Variants in ST6GALNAC3 observed in about 807,000 individuals in gnomAD.
ST6GALNAC3 encodes the protein ST6 N-acetylgalactosaminide alpha-2,6-sialyltransferase 3, also known as alpha-N-acetylgalactosaminide alpha-2,6-sialyltransferase 3.
In ST6GALNAC3, 25 loss-of-function variants were observed where a neutral mutation model predicts 32.7. The observed-to-expected ratio is 0.76, with a 90% CI of 0.56 to 1.07. The LOEUF (loss-of-function observed/expected upper bound fraction) is 1.07, where lower values mean the gene tolerates loss of function less well. Among genes scored for constraint, ST6GALNAC3 ranks in the 50% least tolerant of loss-of-function variants. The probability of loss-of-function intolerance (pLI) is 0.00; values close to 1 mark genes in which losing one functional copy is unlikely to be tolerated. For synonymous variants in ST6GALNAC3, 129 were observed against 133.1 expected (o/e 0.97, Z 0.21); for missense variants, 355 against 382.4 (o/e 0.93, Z 0.60).
At chr1:76,284,106 A>G (rs776186302) in intron 1 of ST6GALNAC3, among the ~76,000 whole-genome samples, 2 of 152,218 alleles carry the variant, frequency 1.3e-5, no homozygotes, top group African/African-American at 2.4e-5. Context: ...GCTTTAAAGT[A>G]TTACTACTAT....
chr1:76,107,911 G>A lies in ST6GALNAC3; in HGVS notation c.18+33027G>A, dbSNP rs1335739. On this transcript the variant is annotated intron_variant, in intron 1 of 4. Transcript: ENST00000328299. ...GAACCTGTACCCTTGGCATTTTGTC[G>A]GTAGACATTTATATTTCCTGGCATT... 4.7e-3 allele frequency among the ~76,000 whole-genome samples: 709 copies of A among 152,194 alleles called. 10 individuals carry two copies. The highest frequency in any genetic ancestry group is 0.015 in the African/African-American group (636 of 41,518).
intron 1 of ST6GALNAC3, among the ~76,000 whole-genome samples, chr1:76,085,307 A>C (rs1269321746): frequency 6.6e-6 from 1 of 152,218 alleles, no homozygotes; most frequent in East Asian, 1.9e-4. Context: ...CTTTACAGGT[A>C]AAGTTTGCCA....
At chr1:76,329,363 T>C (rs1022946443) in intron 2 of ST6GALNAC3, among the ~76,000 whole-genome samples, 50 of 152,238 alleles carry the variant, frequency 3.3e-4, no homozygotes, top group Non-Finnish European at 5.3e-4. Flanking sequence ...ATGTTAACTA[T>C]GCAGAAAGCC....
At chr1:76,344,416 T>C (rs1447603537) in intron 2 of ST6GALNAC3, among the ~76,000 whole-genome samples, 1 of 152,172 alleles carries the variant, frequency 6.6e-6, no homozygotes. Context: ...TCTTTTTCCC[T>C]GCATTATTTT....
intron 1 of ST6GALNAC3, among the ~76,000 whole-genome samples, chr1:76,264,605 G>T (rs1033013824): frequency 2.6e-5 from 4 of 152,198 alleles, no homozygotes; most frequent in African/African-American, 9.7e-5. Context: ...ATAGCTTCCA[G>T]TGGAGTAGCT....
At chr1:76,407,390 G>T (rs1653908315) in intron 2 of ST6GALNAC3, among the ~76,000 whole-genome samples, 1 of 152,038 alleles carries the variant, frequency 6.6e-6, no homozygotes, top group South Asian at 2.1e-4. Flanking sequence ...AGATGTGCTG[G>T]TATAGAGTTA....
chr1:76,389,011 C>CTTTTTTTT (rs138986165), intron 2 of ST6GALNAC3, among the ~76,000 whole-genome samples: 15,924 of 106,452 alleles, frequency 0.15, 2,405 homozygotes, highest in Admixed American at 0.23. Context: ...TGGTATATTT[C>CTTTTTTTT]CTTTTTTTTT....
At chr1:76,463,814 C>T (rs1389195273) in intron 3 of ST6GALNAC3, among the ~76,000 whole-genome samples, 1 of 152,028 alleles carries the variant, frequency 6.6e-6, no homozygotes, top group Non-Finnish European at 1.5e-5. Context: ...GGGCTGCAAT[C>T]GAGGGCTCCC....
At chr1:76,118,854 ACT>A (rs958580073) in intron 1 of ST6GALNAC3, among the ~76,000 whole-genome samples, 6 of 151,806 alleles carry the variant, frequency 4.0e-5, no homozygotes, top group African/African-American at 1.5e-4. Context: ...GTGGAGTCTC[ACT>A]CTGTCGCCCA....
chr1:76,118,627 A>T lies in ST6GALNAC3; in HGVS notation c.18+43743A>T, dbSNP rs6661915. 2.8e-3 allele frequency among the ~76,000 whole-genome samples: 426 copies of T among 152,306 alleles called. 1 individual carries two copies. The highest frequency in any genetic ancestry group is 9.4e-3 in the African/African-American group (391 of 41,576). On this transcript the variant is annotated intron_variant, in intron 1 of 4. Transcript: ENST00000328299. Reference sequence around the variant, plus strand: ...CCTAGGGCATTCTTTGGCTGCATCAATATGTATAAAGAGACACATGATGCT... The same window carrying T: ...CCTAGGGCATTCTTTGGCTGCATCATTATGTATAAAGAGACACATGATGCT...
intron 1 of ST6GALNAC3, among the ~76,000 whole-genome samples, chr1:76,078,344 C>T (rs979816375): frequency 6.6e-6 from 1 of 152,148 alleles, no homozygotes; most frequent in African/African-American, 2.4e-5. Flanking sequence ...TAATTTTGGT[C>T]TTTTAGGGGA....
At chr1:76,084,358 T>C (rs1646937521) in intron 1 of ST6GALNAC3, among the ~76,000 whole-genome samples, 1 of 152,198 alleles carries the variant, frequency 6.6e-6, no homozygotes, top group Admixed American at 6.5e-5. Flanking sequence ...GAGCCTAATT[T>C]TACCCCAGAT....
At chr1:76,260,204 C>T (rs186787953) in intron 1 of ST6GALNAC3, among the ~76,000 whole-genome samples, 2 of 152,162 alleles carry the variant, frequency 1.3e-5, no homozygotes, top group African/African-American at 4.8e-5. Context: ...GCAGAGAGCA[C>T]TATGTGGCTG....
At chr1:76,247,664 C>T (rs1314219097) in intron 1 of ST6GALNAC3, among the ~76,000 whole-genome samples, 1 of 152,180 alleles carries the variant, frequency 6.6e-6, no homozygotes. Flanking sequence ...TGGCCGATGC[C>T]CCTCCCCCTA....
At chr1:76,627,709 T>C (rs1649062933) in intron 4 of ST6GALNAC3, 150 bp downstream of exon 4, 1 of 704,732 alleles carries the variant, frequency 1.4e-6, no homozygotes, top group African/African-American at 1.8e-5. Flanking sequence ...TTATTGTCAG[T>C]GCGTCAAGTT....
chr1:76,235,599 G>C (rs1570531450), intron 1 of ST6GALNAC3, among the ~76,000 whole-genome samples: 1 of 151,608 alleles, frequency 6.6e-6, no homozygotes, highest in East Asian at 1.9e-4. Flanking sequence ...TCTCTCATTT[G>C]ATATAATGGA....
intron 1 of ST6GALNAC3, among the ~76,000 whole-genome samples, chr1:76,229,639 A>G (rs1370788180): frequency 6.6e-6 from 1 of 152,168 alleles, no homozygotes; most frequent in Non-Finnish European, 1.5e-5. Flanking sequence ...ATTGTCCAGG[A>G]GCACGTTTTA....
At chr1:76,412,561 G>A (rs2101308104) in intron 3 of ST6GALNAC3, 144 bp downstream of exon 3, 2 of 914,314 alleles carry the variant, frequency 2.2e-6, no homozygotes, top group South Asian at 3.8e-5. Context: ...TACTTGATAA[G>A]CCAGCCTGAG....
chr1:76,489,393 A>G (rs555219911), intron 3 of ST6GALNAC3, among the ~76,000 whole-genome samples: 2 of 151,948 alleles, frequency 1.3e-5, no homozygotes, highest in South Asian at 2.1e-4. Context: ...GTTGTTGACC[A>G]TTATCTTCCA....
Sources: gnomAD v4.1 joint callset for allele counts (sites outside exome capture counted in the v4.1 genomes callset) on GRCh38, gnomAD v4.1.1 for gene constraint, MANE v1.5 for transcripts, NCBI Gene and HGNC (gene_info 2026-07-23, HGNC 2026-07-21) for gene names.